MAP3K15: variants seen among roughly 807,000 people sequenced by gnomAD.
The protein encoded by MAP3K15 is mitogen-activated protein kinase kinase kinase 15.
Under a neutral mutation model 99.5 loss-of-function variants are expected in MAP3K15, and 124 were observed. The ratio of observed to expected loss-of-function variants is 1.25; its 90% confidence interval spans 1.08 to 1.45. The LOEUF is 1.45. Ranked by LOEUF, MAP3K15 falls within the 40% of genes most tolerant of loss-of-function variation. MAP3K15 has a pLI of 0.00. For missense variants in MAP3K15, 1,242 were observed against 1,079.7 expected (o/e 1.15, Z -2.11); for synonymous variants, 494 against 439.6 (o/e 1.12, Z -1.55).
chrX:19,454,858 C>A (rs1236687546), intron 6 of MAP3K15, among the ~76,000 whole-genome samples: 1 of 111,659 alleles, frequency 9.0e-6, no homozygotes, highest in Non-Finnish European at 1.9e-5. Context: ...GTTAAGCATC[C>A]CTAATTTGAA....
At chrX:19,503,627 G>C (rs758272633) in intron 1 of MAP3K15, among the ~76,000 whole-genome samples, 1 of 110,045 alleles carries the variant, frequency 9.1e-6, no homozygotes, top group African/African-American at 3.3e-5. Flanking sequence ...GGGTTTCACC[G>C]TGTTGGCCAG....
In MAP3K15 at chrX:19,370,993, T is replaced by C; in HGVS notation, c.3366A>G (p.Arg1122=). ...WMFAMDNIIR[R]AVQAAVTILI... ...GAATGGTGACCGCGGCCTGCACCGC[T>C]CGGCGGATGATGTTGTCCATCGCGA... The change falls in exon 24 of 29, where the codon CGA becomes CGG. Residue 1122 remains arginine, a synonymous_variant. Transcript: ENST00000338883. 1 of 1,175,678 alleles carries C rather than the reference T, an allele frequency of 8.5e-7. No homozygotes were observed. Among genetic ancestry groups the C allele is most frequent in the Non-Finnish European group, 1.1e-6 (1 of 883,844 alleles).
chrX:19,364,779 G>A (rs1479377185), intron 25 of MAP3K15, among the ~76,000 whole-genome samples: 1 of 108,802 alleles, frequency 9.2e-6, no homozygotes, highest in African/African-American at 3.4e-5. Context: ...TGTAATCCGA[G>A]TTACTTGGGA....
At chrX:19,364,805 AT>A (rs1394446887) in intron 25 of MAP3K15, among the ~76,000 whole-genome samples, 1 of 107,249 alleles carries the variant, frequency 9.3e-6, no homozygotes, top group Non-Finnish European at 1.9e-5. Context: ...AGGCAGGAGA[AT>A]CGCTTTAACC....
At position 19,502,571 on chromosome X, in the gene MAP3K15, C is replaced by T. The variant is rs187313504; in HGVS notation, c.361+12330G>A. On this transcript the variant is annotated intron_variant, in intron 1 of 28. Coordinates refer to ENST00000338883, the MANE Select transcript of MAP3K15 (RefSeq NM_001001671.4). ...CAGTGGCTCACACCTGTAATCCCAA[C>T]ACTTTGGGGGGCCATGGCAGGTGGA... 9.0e-4 allele frequency among the ~76,000 whole-genome samples: 101 copies of T among 111,959 alleles called. 1 individual carries two copies. Among genetic ancestry groups the T allele is most frequent in the Non-Finnish European group, 1.6e-3 (85 of 53,243 alleles).
chrX:19,466,286 A>G (rs1201126547), intron 3 of MAP3K15, among the ~76,000 whole-genome samples: 1 of 111,966 alleles, frequency 8.9e-6, no homozygotes, highest in African/African-American at 3.3e-5. Flanking sequence ...CCACCTTGAT[A>G]TGGTTAGGCT....
chrX:19,423,580 C>T (rs1033843617), intron 9 of MAP3K15, among the ~76,000 whole-genome samples: 2 of 111,888 alleles, frequency 1.8e-5, no homozygotes, highest in Admixed American at 9.5e-5. Context: ...AGGATAAAAG[C>T]TGGAGCTATC....
At chrX:19,491,705 C>T (rs1213342141) in intron 1 of MAP3K15, among the ~76,000 whole-genome samples, 1 of 110,445 alleles carries the variant, frequency 9.1e-6, no homozygotes, top group Non-Finnish European at 1.9e-5. Context: ...TTTTTACTTA[C>T]TTATTTATTT....
intron 14 of MAP3K15, among the ~76,000 whole-genome samples, chrX:19,399,336 G>A (rs2147257983): frequency 9.0e-6 from 1 of 111,584 alleles, no homozygotes; most frequent in African/African-American, 3.3e-5. Context: ...GCCGAGGCGA[G>A]TAGACCACCT....
intron 1 of MAP3K15, among the ~76,000 whole-genome samples, chrX:19,499,508 G>C (rs1484312055): frequency 8.9e-6 from 1 of 112,510 alleles, no homozygotes; most frequent in Non-Finnish European, 1.9e-5. Context: ...AGCTGCTTTG[G>C]TTGTTAACAA....
At chrX:19,444,942 C>A (rs2063984752) in intron 6 of MAP3K15, among the ~76,000 whole-genome samples, 1 of 110,392 alleles carries the variant, frequency 9.1e-6, no homozygotes, top group Non-Finnish European at 1.9e-5. Flanking sequence ...GTGTCCCACC[C>A]CCAGGGCAGC....
At chrX:19,458,378 C>T (rs924733954) in intron 5 of MAP3K15, among the ~76,000 whole-genome samples, 1 of 112,481 alleles carries the variant, frequency 8.9e-6, no homozygotes, top group Non-Finnish European at 1.9e-5. Context: ...GTAGCAACTG[C>T]TATTAAAATC....
rs955672507 is a variant in MAP3K15, at chrX:19,469,171, A to G, written c.526-4765T>C. 3.6e-5 allele frequency among the ~76,000 whole-genome samples: 4 copies of G among 111,830 alleles called. No homozygotes were observed. In the Admixed American group the frequency reaches 3.8e-4, roughly 11 times the overall value. ...ACTATACTACAAGGCTACGGTAACCAAAACAGCATGGTACTGGTACCAAAA... is the reference window on the plus strand; with the variant it reads ...ACTATACTACAAGGCTACGGTAACCGAAACAGCATGGTACTGGTACCAAAA... On this transcript the variant is annotated intron_variant, in intron 3 of 28. Transcript: ENST00000338883.
intron 20 of MAP3K15, 67 bp downstream of exon 20, chrX:19,374,410 C>T: frequency 9.6e-7 from 1 of 1,042,314 alleles, no homozygotes; most frequent in African/African-American, 1.9e-5. Context: ...TCCTGAGCAG[C>T]AGAGAAGCCC....
chrX:19,364,563 C>T (rs889815953), intron 25 of MAP3K15, among the ~76,000 whole-genome samples: 4 of 111,476 alleles, frequency 3.6e-5, no homozygotes, highest in East Asian at 2.8e-4. Flanking sequence ...CCTAAAAATA[C>T]GACTCTAACT....
intron 6 of MAP3K15, among the ~76,000 whole-genome samples, chrX:19,439,102 C>A (rs768522074): frequency 9.0e-6 from 1 of 111,426 alleles, no homozygotes; most frequent in African/African-American, 3.3e-5. Flanking sequence ...GAGTCTGAGG[C>A]AGGAGAATTG....
chrX:19,484,092 T>TG (rs978688440), intron 3 of MAP3K15, among the ~76,000 whole-genome samples: 1 of 111,717 alleles, frequency 9.0e-6, no homozygotes, highest in African/African-American at 3.3e-5. Flanking sequence ...AGAGATTAGC[T>TG]GCCAAATCCT....
intron 19 of MAP3K15, among the ~76,000 whole-genome samples, chrX:19,379,719 G>T (rs777294027): frequency 9.0e-6 from 1 of 111,200 alleles, no homozygotes; most frequent in African/African-American, 3.3e-5. Context: ...TGGGATTACA[G>T]GCGTGAGCCA....
rs761530699 is a variant in MAP3K15, at chrX:19,381,738, A to G, written c.2432-1461T>C. Among the ~76,000 whole-genome samples the G allele has an allele frequency of 3.6e-5, 4 of 112,326 alleles. No homozygotes were observed. In the South Asian group the frequency reaches 1.5e-3, roughly 41 times the overall value. The stretch of plus-strand genomic sequence containing the variant: ...AGACAGCACACGGGGAGGTCAGTCA[A>G]GGGCTCTGCGAATAACATCCTTCGT... On this transcript the variant is annotated intron_variant, in intron 18 of 28. Coordinates refer to ENST00000338883, the MANE Select transcript of MAP3K15 (RefSeq NM_001001671.4).
Sources: gnomAD v4.1 joint callset for allele counts (sites outside exome capture counted in the v4.1 genomes callset) on GRCh38, gnomAD v4.1.1 for gene constraint, MANE v1.5 for transcripts, NCBI Gene and HGNC (gene_info 2026-07-23, HGNC 2026-07-21) for gene names.